Variants in SATB2 observed in about 807,000 individuals in gnomAD.
SATB2 encodes the protein SATB homeobox 2, also known as DNA-binding protein SATB2.
In SATB2, 1 loss-of-function variant was observed where a neutral mutation model predicts 73.4. The observed-to-expected ratio is 0.01, with a 90% CI of 0.00 to 0.06. The LOEUF is 0.06. SATB2 is among the 10% of genes least tolerant of loss of function. SATB2 has a pLI of 1.00. For missense variants in SATB2, 459 were observed against 945.8 expected (o/e 0.49, Z 6.75); for synonymous variants, 397 against 367.0 (o/e 1.08, Z -0.93).
At chr2:199,450,747 A>G (rs958709768) in intron 2 of SATB2, among the ~76,000 whole-genome samples, 4 of 152,072 alleles carry the variant, frequency 2.6e-5, no homozygotes, top group African/African-American at 9.7e-5. Context: ...AAAAGAAAGA[A>G]AAATAGGGGT....
chr2:199,335,374 C>A (rs558327013), intron 7 of SATB2, among the ~76,000 whole-genome samples: 11 of 152,160 alleles, frequency 7.2e-5, no homozygotes, highest in Non-Finnish European at 1.3e-4. Flanking sequence ...ATATATTCTG[C>A]AAAGCACTAA....
rs560165496 is a variant in SATB2, at chr2:199,463,301, C to T, written c.-141+1535G>A. Among the ~76,000 whole-genome samples, 160 of 152,330 alleles carry T rather than the reference C, an allele frequency of 1.1e-3. No homozygotes were observed. Among genetic ancestry groups the T allele is most frequent in the African/African-American group, 3.5e-3 (145 of 41,578 alleles). ...TCGACTGTAAACCGGGACAACAAGGCAAGGGTGGGGGAAGAAAAGGAAGCG... is the reference window on the plus strand; with the variant it reads ...TCGACTGTAAACCGGGACAACAAGGTAAGGGTGGGGGAAGAAAAGGAAGCG... On this transcript the variant is annotated intron_variant, in intron 1 of 11. Transcript: ENST00000260926. This position sits in a 1 kb window ranked among gnomAD's most constrained non-coding sequence, Gnocchi z 6.4.
intron 3 of SATB2, among the ~76,000 whole-genome samples, chr2:199,401,763 A>C (rs532204075): frequency 1.7e-4 from 26 of 152,142 alleles, no homozygotes; most frequent in Non-Finnish European, 3.2e-4. Flanking sequence ...AGAGGCTGGC[A>C]GTAAGCTTGG....
At chr2:199,467,497 G>A (rs1328070231), upstream of SATB2, 1 of 152,190 alleles carries the variant, frequency 6.6e-6, no homozygotes, top group Non-Finnish European at 1.5e-5. Flanking sequence ...AAATTTTGAG[G>A]GTTTCCAGGT....
chr2:199,303,683 T>C (rs940362431), intron 10 of SATB2, among the ~76,000 whole-genome samples: 3 of 152,058 alleles, frequency 2.0e-5, no homozygotes, highest in South Asian at 2.1e-4. Context: ...TGCCAAAATA[T>C]CCCATGGAAG....
intron 7 of SATB2, among the ~76,000 whole-genome samples, chr2:199,342,529 C>G (rs1688536491): frequency 6.6e-6 from 1 of 152,006 alleles, no homozygotes; most frequent in African/African-American, 2.4e-5. Context: ...GGCTCAGCCA[C>G]ACCCTGTGTC....
intron 3 of SATB2, among the ~76,000 whole-genome samples, chr2:199,399,005 T>C (rs1022781245): frequency 6.6e-6 from 1 of 152,158 alleles, no homozygotes; most frequent in East Asian, 1.9e-4. Flanking sequence ...GCACAGTAGC[T>C]CATGCCTGTA....
intron 2 of SATB2, among the ~76,000 whole-genome samples, chr2:199,435,484 G>T (rs1691625948): frequency 6.6e-6 from 1 of 151,992 alleles, no homozygotes; most frequent in Non-Finnish European, 1.5e-5. Context: ...GAGAAGCTGG[G>T]ATTACAGGCG....
intron 3 of SATB2, among the ~76,000 whole-genome samples, chr2:199,420,877 A>G (rs1399592914): frequency 6.6e-6 from 1 of 152,182 alleles, no homozygotes; most frequent in East Asian, 1.9e-4. Context: ...TTCATAACTA[A>G]TATTTCTTTC....
chr2:199,301,613 A>C (rs1181737786), intron 10 of SATB2, among the ~76,000 whole-genome samples: 2 of 152,226 alleles, frequency 1.3e-5, no homozygotes, highest in Admixed American at 6.5e-5. Flanking sequence ...AAGGTTAACC[A>C]GTCAATTTCC....
At chr2:199,437,941 C>T (rs1437742660) in intron 2 of SATB2, among the ~76,000 whole-genome samples, 1 of 151,960 alleles carries the variant, frequency 6.6e-6, no homozygotes, top group East Asian at 1.9e-4. Context: ...GTTTAACATG[C>T]CCCATGGCAA....
At chr2:199,462,461 C>T (rs1483668978), upstream of SATB2, among the ~76,000 whole-genome samples, 1 of 152,198 alleles carries the variant, frequency 6.6e-6, no homozygotes, top group Non-Finnish European at 1.5e-5. The surrounding 1 kb of genome is among the most constrained non-coding windows in gnomAD (Gnocchi z 5.9). Context: ...GGGGGACGCG[C>T]CTTGGAGGAC....
At chr2:199,413,505 T>C (rs1378080270) in intron 3 of SATB2, among the ~76,000 whole-genome samples, 1 of 152,054 alleles carries the variant, frequency 6.6e-6, no homozygotes, top group African/African-American at 2.4e-5. Flanking sequence ...TTTCCCATGA[T>C]AGATTCACAA....
rs188342763 is a variant in SATB2 at position 199,415,551 on chromosome 2, A to G, written c.346+17787T>C. Among the ~76,000 whole-genome samples the G allele has an allele frequency of 2.3e-4, 35 of 152,366 alleles. 1 individual carries two copies. Among genetic ancestry groups the G allele is most frequent in the African/African-American group, 7.9e-4 (33 of 41,590 alleles). Reference sequence around the variant, plus strand: ...AAAACATAACTGAGTTTACATTAAGATAACATATATGGATATCCAAATTAC... The same window carrying G: ...AAAACATAACTGAGTTTACATTAAGGTAACATATATGGATATCCAAATTAC... On this transcript the variant is annotated intron_variant, in intron 3 of 10. Coordinates refer to ENST00000417098, the MANE Select transcript of SATB2 (RefSeq NM_001172509.2).
At chr2:199,280,625 A>G (rs192494360) in intron 10 of SATB2, among the ~76,000 whole-genome samples, 88 of 152,202 alleles carry the variant, frequency 5.8e-4, no homozygotes, top group Admixed American at 5.6e-3. Flanking sequence ...GTCTTTTACG[A>G]TCACAGCTGT....
intron 5 of SATB2, among the ~76,000 whole-genome samples, chr2:199,377,240 G>A (rs571811059): frequency 6.6e-5 from 10 of 152,012 alleles, no homozygotes; most frequent in Admixed American, 1.3e-4. Context: ...ATACCCAGGC[G>A]TGGTGGCACA....
At chr2:199,459,145 C>A (rs1206246853), upstream of SATB2, among the ~76,000 whole-genome samples, 2 of 152,038 alleles carry the variant, frequency 1.3e-5, no homozygotes, top group African/African-American at 4.8e-5. This position sits in a 1 kb window ranked among gnomAD's most constrained non-coding sequence, Gnocchi z 4.2. Flanking sequence ...GCTGCCTGTC[C>A]TCGGGCTACA....
intron 3 of SATB2, among the ~76,000 whole-genome samples, chr2:199,418,351 G>C (rs901459183): frequency 6.6e-6 from 1 of 152,124 alleles, no homozygotes; most frequent in Non-Finnish European, 1.5e-5. Flanking sequence ...CACAGAACTA[G>C]AGGGCCAACG....
intron 7 of SATB2, among the ~76,000 whole-genome samples, chr2:199,336,973 T>A (rs1399960715): frequency 6.6e-6 from 1 of 152,196 alleles, no homozygotes; most frequent in Admixed American, 6.5e-5. Context: ...CTGTATGTGA[T>A]ACATACTAAG....
Sources: allele counts gnomAD v4.1 joint callset (sites outside exome capture counted in the v4.1 genomes callset), GRCh38; gene constraint gnomAD v4.1.1; non-coding constraint Gnocchi (gnomAD v3.1); transcripts MANE v1.5; gene names NCBI Gene and HGNC (gene_info 2026-07-23, HGNC 2026-07-21).